FRMD4A: variants seen among roughly 807,000 people sequenced by gnomAD.
FRMD4A encodes FERM domain-containing protein 4A.
A neutral mutation model predicts 129.1 loss-of-function variants in FRMD4A; 29 were observed. The observed-to-expected ratio is 0.22, with a 90% CI of 0.17 to 0.31. The LOEUF is 0.31. FRMD4A is among the 10% of genes least tolerant of loss of function. FRMD4A has a pLI of 1.00. For synonymous variants in FRMD4A, 634 were observed against 571.6 expected (o/e 1.11, Z -1.56); for missense variants, 1,272 against 1,375.8 (o/e 0.92, Z 1.19).
At chr10:14,190,972 G>A (rs1458738877) in intron 2 of FRMD4A, among the ~76,000 whole-genome samples, 1 of 152,204 alleles carries the variant, frequency 6.6e-6, no homozygotes, top group African/African-American at 2.4e-5. Context: ...AGGCTGTGAG[G>A]TCAGCAAGCT....
intron 15 of FRMD4A, among the ~76,000 whole-genome samples, chr10:13,676,664 A>G (rs1294905642): frequency 6.6e-6 from 1 of 152,236 alleles, no homozygotes; most frequent in East Asian, 1.9e-4. Flanking sequence ...GGCTCACACC[A>G]TGCCATTGAC....
At chr10:14,289,995 T>A (rs1662924190) in intron 2 of FRMD4A, among the ~76,000 whole-genome samples, 1 of 151,744 alleles carries the variant, frequency 6.6e-6, no homozygotes, top group African/African-American at 2.4e-5. Flanking sequence ...AAGAAAAAAA[T>A]CCTATTTATA....
At chr10:13,737,345 C>T (rs1171693302) in intron 12 of FRMD4A, among the ~76,000 whole-genome samples, 1 of 152,224 alleles carries the variant, frequency 6.6e-6, no homozygotes, top group Non-Finnish European at 1.5e-5. Context: ...CTGCCTCAGG[C>T]TCCCAAAGTG....
chr10:13,794,385 C>T (rs944052595), intron 5 of FRMD4A, among the ~76,000 whole-genome samples: 3 of 91,268 alleles, frequency 3.3e-5, no homozygotes, highest in Non-Finnish European at 6.4e-5. Context: ...GAGCGAGAAT[C>T]CGTCTCAAAA....
intron 2 of FRMD4A, among the ~76,000 whole-genome samples, chr10:13,929,826 G>A (rs2610792): frequency 0.27 from 41,240 of 152,108 alleles, 6,070 homozygotes; most frequent in Non-Finnish European, 0.32. Context: ...ACTTACTAGT[G>A]CTATGATGGA....
At position 13,912,763 on chromosome 10, in the gene FRMD4A, T is replaced by C. The variant is rs967136723; in HGVS notation, c.46-53851A>G. Among the ~76,000 whole-genome samples, 18 of 152,044 alleles carry C rather than the reference T, an allele frequency of 1.2e-4. 3 individuals are homozygous for C. The highest frequency in any genetic ancestry group is 4.3e-4 in the African/African-American group (18 of 41,528). On this transcript the variant is annotated intron_variant, in intron 2 of 24. Coordinates refer to ENST00000357447, the MANE Select transcript of FRMD4A (RefSeq NM_018027.5). ...CCAGGATGGTCTCGATCTCCTGACT[T>C]TGTGATCCGCCTGCCTAGAATATTA...
intron 2 of FRMD4A, among the ~76,000 whole-genome samples, chr10:13,971,492 T>A (rs1314824584): frequency 1.3e-5 from 2 of 152,218 alleles, no homozygotes; most frequent in Non-Finnish European, 2.9e-5. Flanking sequence ...ATGGCACGCA[T>A]GGCACCTAGA....
At chr10:14,122,750 C>T (rs1281873064) in intron 2 of FRMD4A, among the ~76,000 whole-genome samples, 1 of 152,048 alleles carries the variant, frequency 6.6e-6, no homozygotes, top group East Asian at 1.9e-4. Context: ...GACCCACCTG[C>T]AACATTGGGG....
chr10:14,121,805 G>C (rs566830180), intron 2 of FRMD4A, among the ~76,000 whole-genome samples: 1 of 152,126 alleles, frequency 6.6e-6, no homozygotes, highest in Admixed American at 6.6e-5. Context: ...GGGCCATTCC[G>C]GCTGGCTTTG....
chr10:13,859,144 A>G (rs780931489), intron 2 of FRMD4A, among the ~76,000 whole-genome samples: 42 of 152,122 alleles, frequency 2.8e-4, no homozygotes, highest in Non-Finnish European at 5.6e-4. Flanking sequence ...TTAGGAGGCC[A>G]AGGTGGGCGG....
At chr10:14,193,693 A>G (rs187947822) in intron 2 of FRMD4A, among the ~76,000 whole-genome samples, 1 of 151,454 alleles carries the variant, frequency 6.6e-6, no homozygotes, top group East Asian at 1.9e-4. Context: ...AAATTAAAAA[A>G]AAAAAAACTA....
intron 2 of FRMD4A, among the ~76,000 whole-genome samples, chr10:14,057,767 AC>A (rs1565218085): frequency 1.3e-5 from 2 of 152,160 alleles, no homozygotes; most frequent in East Asian, 3.9e-4. Context: ...ATGGGGTTTC[AC>A]CATGTTGGTC....
intron 2 of FRMD4A, among the ~76,000 whole-genome samples, chr10:14,031,641 G>A (rs1303050634): frequency 1.3e-5 from 2 of 152,180 alleles, no homozygotes; most frequent in East Asian, 3.9e-4. Flanking sequence ...GAGTTGTTTA[G>A]AGAACCAAGG....
intron 2 of FRMD4A, among the ~76,000 whole-genome samples, chr10:14,215,213 CAA>C (rs1409652138): frequency 6.6e-6 from 1 of 152,080 alleles, no homozygotes; most frequent in African/African-American, 2.4e-5. Flanking sequence ...CCAGTGGCTC[CAA>C]AGTTATTTTA....
chr10:14,062,296 A>G (rs1273546213), intron 2 of FRMD4A, among the ~76,000 whole-genome samples: 5 of 152,250 alleles, frequency 3.3e-5, no homozygotes, highest in Admixed American at 3.3e-4. Context: ...AAGGGCACAT[A>G]CAGGTAGGAT....
At chr10:14,278,867 C>T (rs1280081032) in intron 2 of FRMD4A, among the ~76,000 whole-genome samples, 1 of 152,128 alleles carries the variant, frequency 6.6e-6, no homozygotes, top group Non-Finnish European at 1.5e-5. Context: ...TGCTTTTTTG[C>T]TTTTAATTTT....
At chr10:14,231,762 T>G (rs947218845) in intron 2 of FRMD4A, among the ~76,000 whole-genome samples, 1 of 152,220 alleles carries the variant, frequency 6.6e-6, no homozygotes, top group African/African-American at 2.4e-5. Flanking sequence ...TTTTTGCTCA[T>G]TTTTAAGGGG....
intron 2 of FRMD4A, among the ~76,000 whole-genome samples, chr10:13,978,726 T>C (rs896823914): frequency 5.3e-5 from 8 of 152,150 alleles, no homozygotes; most frequent in Admixed American, 3.3e-4. Context: ...AACTCATTTA[T>C]ATAAATGCTA....
chr10:14,099,945 C>T (rs954786189), intron 2 of FRMD4A, among the ~76,000 whole-genome samples: 12 of 152,188 alleles, frequency 7.9e-5, no homozygotes, highest in African/African-American at 1.2e-4. Flanking sequence ...GGGTTCTGAG[C>T]GAGTACCTTC....
Sources: gnomAD v4.1 joint callset for allele counts (sites outside exome capture counted in the v4.1 genomes callset) on GRCh38, gnomAD v4.1.1 for gene constraint, MANE v1.5 for transcripts, NCBI Gene and HGNC (gene_info 2026-07-23, HGNC 2026-07-21) for gene names.